The following GALNT15 variants were observed in gnomAD, a reference collection of about 807,000 sequenced individuals.
The protein encoded by GALNT15 is polypeptide N-acetylgalactosaminyltransferase 15.
A neutral mutation model predicts 66.8 loss-of-function variants in GALNT15; 67 were observed. The observed-to-expected ratio is 1.00, with a 90% CI of 0.82 to 1.23. GALNT15 has a LOEUF of 1.23. Ranked by LOEUF, GALNT15 falls within the 50% of genes most tolerant of loss-of-function variation. GALNT15 has a pLI of 0.00. For synonymous variants in GALNT15, 313 were observed against 311.5 expected, an observed-to-expected ratio of 1.00 and a Z score of -0.05; for missense variants, 827 against 804.3, an observed-to-expected ratio of 1.03 and a Z score of -0.34.
At chr3:16,208,472 G>C in intron 3 of GALNT15, 31 bp from the exon 4 acceptor site, 1 of 1,609,228 alleles carries the variant, frequency 6.2e-7, no homozygotes, top group Non-Finnish European at 8.5e-7. Context: ...AATGCTTTAC[G>C]TCCCTTGTTT....
chr3:16,231,845 C>T, downstream of GALNT15: 2 of 1,536,402 alleles, frequency 1.3e-6, no homozygotes, highest in Non-Finnish European at 1.7e-6. The surrounding 1 kb of genome is among the most constrained non-coding windows in gnomAD (Gnocchi z 4.1). Flanking sequence ...AGGCCTTTAA[C>T]TTTTCAGCAG....
chr3:16,195,261 G>T lies in GALNT15; in HGVS notation c.540-499G>T, dbSNP rs1035849337. On this transcript the variant is annotated intron_variant, in intron 1 of 9. Coordinates refer to ENST00000339732, the MANE Select transcript of GALNT15 (RefSeq NM_054110.5). The surrounding 1 kb of genome is among the most constrained non-coding windows in gnomAD (Gnocchi z 4.6). ...GCCCAAGCCAAAGACTAGAGCAGAG[G>T]TTCTCAAAGTGTGGTCCACAGAAAA... Among the ~76,000 whole-genome samples the T allele has an allele frequency of 6.6e-6, 1 of 152,158 alleles. No homozygotes were observed. The highest frequency in any genetic ancestry group is 1.5e-5 in the Non-Finnish European group (1 of 68,030).
rs1336107476 is a variant in GALNT15, at chr3:16,181,090, T to C, written c.539+5400T>C. On this transcript the variant is annotated intron_variant, in intron 1 of 9. Transcript: ENST00000339732. This position sits in a 1 kb window ranked among gnomAD's most constrained non-coding sequence, Gnocchi z 5.9. ...TTATCATATTCTTGAGTAAATGGCCTAGGAGTAAGTTGGAGTGATGGAGAA... is the reference window on the plus strand; with the variant it reads ...TTATCATATTCTTGAGTAAATGGCCCAGGAGTAAGTTGGAGTGATGGAGAA... 6.6e-6 allele frequency among the ~76,000 whole-genome samples: 1 copy of C among 152,180 alleles called. No homozygotes were observed. Among genetic ancestry groups the C allele is most frequent in the Non-Finnish European group, 1.5e-5 (1 of 68,006 alleles).
chr3:16,229,117 G>T lies in GALNT15; in HGVS notation c.*1617G>T. 2.0e-6 allele frequency: 2 copies of T among 985,380 alleles called. No homozygotes were observed. The highest frequency in any genetic ancestry group is 2.4e-6 in the Non-Finnish European group (2 of 829,912). The allele number at this position is 985,380 out of a possible 1,614,324, so 61.0% of individuals were successfully genotyped here. A position where few individuals can be genotyped will look rare whatever the true frequency, so the allele number is the denominator to read the frequency against. On this transcript the variant is annotated 3_prime_UTR_variant, in exon 10 of 10. Transcript: ENST00000339732. ...CCCTAAAGATGCTAATCTCCTTTGG[G>T]CTGTCTCAGAACACAGTATCCTTCA...
Position 16,183,973 on chromosome 3 carries a change from A to C in GALNT15, c.539+8283A>C, listed in dbSNP as rs1350180000. ...ACTCCTCTGATCTTGGAGTGTGAAG[A>C]TATAAAGCTAGCCTGCAGAACAGCT... On this transcript the variant is annotated intron_variant, in intron 1 of 9. Transcript: ENST00000339732. The surrounding 1 kb of genome is among the most constrained non-coding windows in gnomAD (Gnocchi z 5.2). 4.6e-5 allele frequency among the ~76,000 whole-genome samples: 7 copies of C among 152,232 alleles called. No individual in the cohort carries two copies.
intron 9 of GALNT15, among the ~76,000 whole-genome samples, chr3:16,223,526 CAG>C (rs2063971421): frequency 2.6e-5 from 4 of 152,064 alleles, no homozygotes; most frequent in Non-Finnish European, 4.4e-5. Context: ...AATGACTAAG[CAG>C]AATCCTGTGC....
At chr3:16,202,111 G>A (rs1208960609) in intron 3 of GALNT15, among the ~76,000 whole-genome samples, 2 of 152,208 alleles carry the variant, frequency 1.3e-5, no homozygotes, top group Non-Finnish European at 2.9e-5. Flanking sequence ...GGAGACATAG[G>A]AGTTACCATC....
chr3:16,196,134 A>G lies in GALNT15; in HGVS notation c.706+208A>G, dbSNP rs75318872. On this transcript the variant is annotated intron_variant, in intron 2 of 9. Coordinates refer to ENST00000339732, the MANE Select transcript of GALNT15 (RefSeq NM_054110.5). The stretch of plus-strand genomic sequence containing the variant: ...AGTGGGGGCTGCAAGACAGAGAAGG[A>G]GAAAGAGCCCTGCAGGGGAAACAGC... Among the ~76,000 whole-genome samples, 614 of 152,266 alleles carry G rather than the reference A, an allele frequency of 4.0e-3. 7 individuals carry two copies. The highest frequency in any genetic ancestry group is 0.014 in the African/African-American group (596 of 41,556).
chr3:16,246,320 G>GTTT, the GALNT15 span, among the ~76,000 whole-genome samples: 1 of 128,894 alleles, frequency 7.8e-6, no homozygotes. Flanking sequence ...TTTTGAAAGT[G>GTTT]GTTTTTTTTT....
At chr3:16,239,806 G>T in the GALNT15 span, among the ~76,000 whole-genome samples, 1 of 152,218 alleles carries the variant, frequency 6.6e-6, no homozygotes, top group African/African-American at 2.4e-5. This position sits in a 1 kb window ranked among gnomAD's most constrained non-coding sequence, Gnocchi z 5.2. Flanking sequence ...AAGGGGGTGG[G>T]CTTCCCATGG....
chr3:16,245,808 A>G, the GALNT15 span, among the ~76,000 whole-genome samples: 1 of 152,330 alleles, frequency 6.6e-6, no homozygotes, highest in East Asian at 1.9e-4. Context: ...AAGAAGACAC[A>G]TGCATATGCA....
At chr3:16,222,530 T>A (rs2292169) in intron 8 of GALNT15, 85 bp from the exon 9 acceptor site, 232,354 of 1,535,472 alleles carry the variant, frequency 0.15, 18,930 homozygotes, top group East Asian at 0.25. Context: ...AGACCTCAGC[T>A]CTATAGTGGG....
chr3:16,195,531 C>T lies in GALNT15; in HGVS notation c.540-229C>T, dbSNP rs373018917. 6.6e-6 allele frequency among the ~76,000 whole-genome samples: 1 copy of T among 152,126 alleles called. No homozygotes were observed. The highest frequency in any genetic ancestry group is 2.4e-5 in the African/African-American group (1 of 41,418). ...CGCTTCTCAATTGCAATGAGAGGGA[C>T]TTTGGATTAAATGATAAAGGAGCTC... On this transcript the variant is annotated intron_variant, in intron 1 of 9. Transcript: ENST00000339732. The surrounding 1 kb of genome is among the most constrained non-coding windows in gnomAD (Gnocchi z 4.6).
the GALNT15 span, among the ~76,000 whole-genome samples, chr3:16,243,821 G>A: frequency 1.3e-5 from 2 of 152,206 alleles, no homozygotes; most frequent in Non-Finnish European, 2.9e-5. Flanking sequence ...TTTGCCAGGA[G>A]AAGGAGCTAT....
At chr3:16,218,644 C>T (rs1164751395) in intron 6 of GALNT15, among the ~76,000 whole-genome samples, 6 of 152,070 alleles carry the variant, frequency 3.9e-5, no homozygotes, top group Admixed American at 1.3e-4. Context: ...CCCTAGCCCA[C>T]GATTTCCCAA....
chr3:16,229,833 G>C lies in GALNT15; in HGVS notation c.*2333G>C. On this transcript the variant is annotated 3_prime_UTR_variant, in exon 10 of 10. Transcript: ENST00000339732. Reference sequence around the variant, plus strand: ...ACAAAGCAAGAATATGGTGTTTCTTGCTTCCTTAACCAGCTCCATGATTTA... The same window carrying C: ...ACAAAGCAAGAATATGGTGTTTCTTCCTTCCTTAACCAGCTCCATGATTTA... The C allele has an allele frequency of 1.4e-6, 1 of 729,962 alleles. No individual in the cohort carries two copies. Among genetic ancestry groups the C allele is most frequent in the Non-Finnish European group, 1.7e-6 (1 of 596,670 alleles). 45.2% of individuals were successfully genotyped at this position (729,962 alleles called of 1,614,324 possible).
At chr3:16,231,945 G>A, downstream of GALNT15, 23 of 1,524,080 alleles carry the variant, frequency 1.5e-5, no homozygotes, top group Non-Finnish European at 2.0e-5. The surrounding 1 kb of genome is among the most constrained non-coding windows in gnomAD (Gnocchi z 4.1). Flanking sequence ...ACAGATCAAG[G>A]GTGGCATTGT....
chr3:16,243,845 C>T, the GALNT15 span, among the ~76,000 whole-genome samples: 9,293 of 152,248 alleles, frequency 0.061, 393 homozygotes, highest in African/African-American at 0.12. Context: ...GTCATTTTCA[C>T]AGTGTGCTGG....
At chr3:16,194,946 C>G (rs769060985) in intron 1 of GALNT15, among the ~76,000 whole-genome samples, 1 of 152,186 alleles carries the variant, frequency 6.6e-6, no homozygotes, top group Non-Finnish European at 1.5e-5. Context: ...ACCTATGTAG[C>G]AAACCTGCAC....
Sources: gnomAD v4.1 joint callset for allele counts (sites outside exome capture counted in the v4.1 genomes callset) on GRCh38, gnomAD v4.1.1 for gene constraint, Gnocchi (gnomAD v3.1) non-coding constraint, MANE v1.5 for transcripts, NCBI Gene and HGNC (gene_info 2026-07-23, HGNC 2026-07-21) for gene names.